The following CAD variants were observed in gnomAD, a reference collection of about 807,000 sequenced individuals.
CAD encodes multifunctional protein CAD.
In CAD, 81 loss-of-function variants were observed where a neutral mutation model predicts 237.2. That is an observed-to-expected ratio of 0.34 (90% confidence interval 0.29 to 0.41). The LOEUF (loss-of-function observed/expected upper bound fraction) is 0.41. CAD is among the 10% of genes least tolerant of loss of function. The pLI is 1.00. For synonymous variants in CAD, 1,196 were observed against 1,162.8 expected, an observed-to-expected ratio of 1.03 and a Z score of -0.58; for missense variants, 2,181 against 2,951.7, an observed-to-expected ratio of 0.74 and a Z score of 6.05.
chr2:27,225,650 C>A, intron 11 of CAD, 55 bp from the exon 12 acceptor site: 2 of 1,301,020 alleles, frequency 1.5e-6, no homozygotes, highest in Admixed American at 1.7e-5. Flanking sequence ...GTGGGACAGG[C>A]ACACCTTGGA....
chr2:27,234,047 G>A lies in CAD; in HGVS notation c.3439G>A (p.Ala1147Thr). The part of the protein sequence containing the change: ...VDAVASDGVV[A>T]AIAISEHVEN... ...TGCCGTGGCCTCTGATGGTGTGGTG[G>A]CAGCCATCGCCATCTCTGAGCATGT... The change falls in exon 22 of 44, where the codon GCA becomes ACA. Residue 1147 changes from alanine to threonine, a missense_variant. Ala to Thr is a moderately conservative substitution (Grantham distance 58). Transcript: ENST00000264705. 2 of 1,614,120 alleles carry A rather than the reference G, an allele frequency of 1.2e-6. No homozygotes were observed. Among genetic ancestry groups the A allele is most frequent in the Non-Finnish European group, 1.7e-6 (2 of 1,180,010 alleles).
rs1572446447 is a variant in CAD at position 27,237,167 on chromosome 2, G to A, written c.4397-212G>A. 6.6e-6 allele frequency among the ~76,000 whole-genome samples: 1 copy of A among 152,010 alleles called. No homozygotes were observed. The highest frequency in any genetic ancestry group is 1.5e-5 in the Non-Finnish European group (1 of 68,006). On this transcript the variant is annotated intron_variant, in intron 27 of 43. Transcript: ENST00000264705. The surrounding 1 kb of genome is among the most constrained non-coding windows in gnomAD (Gnocchi z 4.0). Reference sequence around the variant, plus strand: ...GCCTCCCAAGTAGCTGGGATTACAGGTGTGTGCTACCACACCAGGCTAATT... The same window carrying A: ...GCCTCCCAAGTAGCTGGGATTACAGATGTGTGCTACCACACCAGGCTAATT...
chr2:27,239,868 T>C lies in CAD; in HGVS notation c.5496+70T>C. On this transcript the variant is annotated intron_variant, in intron 34 of 43. Transcript: ENST00000264705. The surrounding 1 kb of genome is among the most constrained non-coding windows in gnomAD (Gnocchi z 4.0). The stretch of plus-strand genomic sequence containing the variant: ...GGGCAGGATGAACAGCTTGAACATT[T>C]TCATTGGTGGTTCAGGAACAATTGG... The C allele has an allele frequency of 9.0e-7, 1 of 1,110,236 alleles. No homozygotes were observed. The highest frequency in any genetic ancestry group is 1.3e-6 in the Non-Finnish European group (1 of 778,910). The allele number at this position is 1,110,236 out of a possible 1,614,324, so 68.8% of individuals were successfully genotyped here.
At position 27,242,246 on chromosome 2, in the gene CAD, C is replaced by T. The variant is rs1159928845; in HGVS notation, c.6097-56C>T. ...GTGAGGGGACCCCAGAAGAGGGGGA[C>T]TGGCAGTTGGGGGGCCTCTGAGCTG... On this transcript the variant is annotated intron_variant, in intron 39 of 43. Coordinates refer to ENST00000264705, the MANE Select transcript of CAD (RefSeq NM_004341.5). The surrounding 1 kb of genome is among the most constrained non-coding windows in gnomAD (Gnocchi z 6.4). 6 of 1,584,316 alleles carry T rather than the reference C, an allele frequency of 3.8e-6. No homozygotes were observed. The highest frequency in any genetic ancestry group is 5.2e-6 in the Non-Finnish European group (6 of 1,161,992).
Position 27,236,915 on chromosome 2 carries a change from G to T in CAD, c.4396+85G>T, listed in dbSNP as rs574987024. On this transcript the variant is annotated intron_variant, in intron 27 of 43. Coordinates refer to ENST00000264705, the MANE Select transcript of CAD (RefSeq NM_004341.5). This position sits in a 1 kb window ranked among gnomAD's most constrained non-coding sequence, Gnocchi z 4.1. ...CAGTGTGGTGAAGGATGGCTGGGGG[G>T]CCCACTCTTTGTCCTGGACTGCACA... 3 of 1,123,006 alleles carry T rather than the reference G, an allele frequency of 2.7e-6. No homozygotes were observed. Among genetic ancestry groups the T allele is most frequent in the Admixed American group, 1.7e-5 (1 of 59,232 alleles). 69.6% of individuals were successfully genotyped at this position (1,123,006 alleles called of 1,614,324 possible). A position where few individuals can be genotyped will look rare whatever the true frequency, so the allele number is the denominator to read the frequency against.
rs1675426140 is a variant in CAD at position 27,225,909 on chromosome 2, T to C, written c.1825T>C (p.Tyr609His). 6 of 1,614,008 alleles carry C rather than the reference T, an allele frequency of 3.7e-6. No individual in the cohort carries two copies. Among genetic ancestry groups the C allele is most frequent in the Admixed American group, 3.3e-5 (2 of 60,026 alleles). ...EIEYEVVRDA[Y>H]GNCVTVCNME... The stretch of plus-strand genomic sequence containing the variant: ...TGAGTACGAGGTGGTGAGAGACGCC[T>C]ATGGCAACTGTGTCACGGTGAGTGA... The change falls in exon 12 of 44, where the codon TAT becomes CAT. Residue 609 changes from tyrosine (Y) to histidine (H), a missense_variant. Around this residue, in one of 12 missense-constraint regions of CAD, gnomAD observed 385 missense variants for 535.1 expected, o/e 0.72. Transcript: ENST00000264705.
rs1411374633 is a variant in CAD at position 27,217,651 on chromosome 2, G to A, written c.82+18G>A. The A allele has an allele frequency of 1.3e-6, 2 of 1,591,018 alleles. No homozygotes were observed. Among genetic ancestry groups the A allele is most frequent in the East Asian group, 4.6e-5 (2 of 43,270 alleles). ...GGAAGTGGGTAAGCAAGCCCGGTTAGGCTGCAGACCTTATCCCACTCTGTG... is the reference window on the plus strand; with the variant it reads ...GGAAGTGGGTAAGCAAGCCCGGTTAAGCTGCAGACCTTATCCCACTCTGTG... On this transcript the variant is annotated intron_variant, in intron 1 of 43. Transcript: ENST00000264705.
At chr2:27,217,666 C>G (rs770347771) in intron 1 of CAD, 33 bp downstream of exon 1, 3 of 1,554,874 alleles carry the variant, frequency 1.9e-6, no homozygotes, top group Non-Finnish European at 2.6e-6. Flanking sequence ...CAGACCTTAT[C>G]CCACTCTGTG....
In CAD at chr2:27,233,020, A is replaced by G; in HGVS notation, c.2893-22A>G. 6.7e-7 allele frequency: 1 copy of G among 1,500,894 alleles called. No individual in the cohort carries two copies. The highest frequency in any genetic ancestry group is 2.3e-5 in the East Asian group (1 of 44,304). The allele number at this position is 1,500,894 out of a possible 1,614,324, so 93.0% of individuals were successfully genotyped here. A position where few individuals can be genotyped will look rare whatever the true frequency, so the allele number is the denominator to read the frequency against. On this transcript the variant is annotated intron_variant, in intron 18 of 43. Coordinates refer to ENST00000264705, the MANE Select transcript of CAD (RefSeq NM_004341.5). This position sits in a 1 kb window ranked among gnomAD's most constrained non-coding sequence, Gnocchi z 6.3. ...TTTTCCTCCCACCTGACTGCTAAGT[A>G]CCCTTCCCCTCCCTCTTGCAGATGG...
chr2:27,239,587 G>A lies in CAD; in HGVS notation c.5395-110G>A. ...TATGTGCACCACTGCCCTGGACCAG[G>A]GGTTGGGGGCACAGCTCCCCCAAGG... On this transcript the variant is annotated intron_variant, in intron 33 of 43. Coordinates refer to ENST00000264705, the MANE Select transcript of CAD (RefSeq NM_004341.5). The surrounding 1 kb of genome is among the most constrained non-coding windows in gnomAD (Gnocchi z 4.0). The A allele has an allele frequency of 6.6e-7, 1 of 1,508,514 alleles. No homozygotes were observed. The allele number at this position is 1,508,514 out of a possible 1,614,324, so 93.4% of individuals were successfully genotyped here.
intron 15 of CAD, among the ~76,000 whole-genome samples, chr2:27,229,283 T>C (rs1008899269): frequency 6.6e-6 from 1 of 152,120 alleles, no homozygotes; most frequent in Non-Finnish European, 1.5e-5. Flanking sequence ...AAACTTTTTT[T>C]TTTAATACGG....
chr2:27,241,494 C>T lies in CAD; in HGVS notation c.5883+98C>T. ...GTGGTCAGAGTGGGTCTTCCTCCCC[C>T]TGCCATCCCGTCCCCTTATGCTAGT... On this transcript the variant is annotated intron_variant, in intron 38 of 43. Transcript: ENST00000264705. The surrounding 1 kb of genome is among the most constrained non-coding windows in gnomAD (Gnocchi z 4.6). 8.9e-7 allele frequency: 1 copy of T among 1,126,484 alleles called. No individual in the cohort carries two copies. Among genetic ancestry groups the T allele is most frequent in the Non-Finnish European group, 1.3e-6 (1 of 745,566 alleles). The allele number at this position is 1,126,484 out of a possible 1,614,324, so 69.8% of individuals were successfully genotyped here. A position where few individuals can be genotyped will look rare whatever the true frequency, so the allele number is the denominator to read the frequency against.
At position 27,222,653 on chromosome 2, in the gene CAD, C is replaced by T. The variant is rs1480050566; in HGVS notation, c.630C>T (p.Asp210=). The T allele has an allele frequency of 4.3e-6, 7 of 1,613,126 alleles. No homozygotes were observed. The highest frequency in any genetic ancestry group is 4.0e-5 in the African/African-American group (3 of 74,894). ...TGGTACCCTGGGACCATGCACTAGA[C>T]AGCCAAGGTGAGTAGCTGGGGCCTG... ...VTVVPWDHAL[D]SQEYEGLFLS... Residue 210 remains aspartate (D), a synonymous_variant, in exon 5 of 44, where the codon GAC becomes GAT. Coordinates refer to ENST00000264705, the MANE Select transcript of CAD (RefSeq NM_004341.5).
rs780733991 is a variant in CAD at position 27,222,148 on chromosome 2, A to T, written c.353-46A>T. On this transcript the variant is annotated intron_variant, in intron 3 of 43. Coordinates refer to ENST00000264705, the MANE Select transcript of CAD (RefSeq NM_004341.5). ...TTCTGGAAGTCTAACCTCACAGATG[A>T]CTGAGTTGTAGGAATGTGATCCCTA... 5 of 1,581,252 alleles carry T rather than the reference A, an allele frequency of 3.2e-6. No individual in the cohort carries two copies. In the South Asian group the frequency reaches 5.6e-5, roughly 18 times the overall value.
In CAD at chr2:27,241,733, T is replaced by C. The variant is rs1676328034; in HGVS notation, c.5884-178T>C. On this transcript the variant is annotated intron_variant, in intron 38 of 43. Coordinates refer to ENST00000264705, the MANE Select transcript of CAD (RefSeq NM_004341.5). This position sits in a 1 kb window ranked among gnomAD's most constrained non-coding sequence, Gnocchi z 4.6. ...GGTGGTTTTCTGGAGGCAGAGCCTT[T>C]AGCTCAGAGTGACACCAGTGGTGGA... Among the ~76,000 whole-genome samples, 1 of 152,306 alleles carries C rather than the reference T, an allele frequency of 6.6e-6. No individual in the cohort carries two copies. Among genetic ancestry groups the C allele is most frequent in the East Asian group, 1.9e-4 (1 of 5,176 alleles).
chr2:27,238,009 C>T, intron 29 of CAD, 47 bp from the exon 30 acceptor site: 2 of 1,606,836 alleles, frequency 1.2e-6, no homozygotes, highest in Non-Finnish European at 1.7e-6. Context: ...CTGATGAGCA[C>T]AGTCAGAGAT....
chr2:27,228,906 T>G (rs910096940), intron 15 of CAD, among the ~76,000 whole-genome samples: 2 of 148,964 alleles, frequency 1.3e-5, no homozygotes, highest in African/African-American at 5.0e-5. Context: ...TCTTTTTTCT[T>G]TTCTTTTTTT....
In CAD at chr2:27,225,579, TG is replaced by T. The variant is rs2148065706; in HGVS notation, c.1621-122del. ...CCCGACCCTCGGCCTCCCAAATTGC[TG>T]GGGTTACAGGCGTGAGCCACTATGC... On this transcript the variant is annotated intron_variant, in intron 11 of 43. Transcript: ENST00000264705. The T allele has an allele frequency of 7.5e-6, 5 of 667,558 alleles. No individual in the cohort carries two copies. In the East Asian group the frequency reaches 1.4e-4, roughly 18 times the overall value. 41.4% of individuals were successfully genotyped at this position (667,558 alleles called of 1,614,324 possible). A position where few individuals can be genotyped will look rare whatever the true frequency, so the allele number is the denominator to read the frequency against.
intron 15 of CAD, among the ~76,000 whole-genome samples, chr2:27,230,600 T>C (rs1675699975): frequency 6.6e-6 from 1 of 151,830 alleles, no homozygotes; most frequent in Admixed American, 6.6e-5. Context: ...CATTCCAGCC[T>C]GGGCAACAAG....
Sources: gnomAD v4.1 joint callset for allele counts (sites outside exome capture counted in the v4.1 genomes callset) on GRCh38, gnomAD v4.1.1 for gene constraint, gnomAD v4.1.1 regional missense constraint, Gnocchi (gnomAD v3.1) non-coding constraint, MANE v1.5 for transcripts, NCBI Gene and HGNC (gene_info 2026-07-23, HGNC 2026-07-21) for gene names.